The following UNC45A variants were observed in gnomAD, a reference collection of about 807,000 sequenced individuals.
UNC45A encodes unc-45 myosin chaperone A, also known as protein unc-45 homolog A.
In UNC45A, 78 loss-of-function variants were observed where a neutral mutation model predicts 103.2. The observed-to-expected ratio is 0.76, with a 90% confidence interval of 0.63 to 0.91. The LOEUF (loss-of-function observed/expected upper bound fraction) is 0.91. Among genes scored for constraint, UNC45A ranks in the 40% least tolerant of loss-of-function variants. The pLI is 0.00. For missense variants in UNC45A, 1,193 were observed against 1,224.8 expected, an observed-to-expected ratio of 0.97 and a Z score of 0.39; for synonymous variants, 495 against 504.6, an observed-to-expected ratio of 0.98 and a Z score of 0.25.
chr15:90,940,040 G>C (rs1029539827), intron 5 of UNC45A, among the ~76,000 whole-genome samples: 2 of 152,240 alleles, frequency 1.3e-5, no homozygotes, highest in Non-Finnish European at 2.9e-5. Context: ...CCTGTGCCAG[G>C]AACTGGGTGT....
At chr15:90,950,114 C>T in intron 15 of UNC45A, 40 bp from the exon 16 acceptor site, 1 of 1,542,200 alleles carries the variant, frequency 6.5e-7, no homozygotes. Flanking sequence ...GGGTCTTACT[C>T]CCAGGGATGT....
chr15:90,935,722 C>G lies in UNC45A; in HGVS notation c.213+17C>G. ...CTCAAGCTGGTGAGGGAGCCTGGCG[C>G]TCTTCCCCTCGCCCGCCCGGGCCCC... is the stretch of plus-strand genomic sequence containing the variant. On this transcript the variant is annotated intron_variant, in intron 2 of 19. Transcript: ENST00000418476. The G allele has an allele frequency of 6.5e-7, 1 of 1,542,102 alleles. No individual in the cohort carries two copies. Among genetic ancestry groups the G allele is most frequent in the East Asian group, 2.3e-5 (1 of 44,180 alleles).
Position 90,947,811 on chromosome 15 carries a change from G to T in UNC45A, c.1516G>T (p.Gly506Cys), listed in dbSNP as rs771480898. ...CTTCCTCCAGGGACTCTGTAAGCTCGGTTCGGCTGGAGGGACTGACTTCAG... is the reference window on the plus strand; with the variant it reads ...CTTCCTCCAGGGACTCTGTAAGCTCTGTTCGGCTGGAGGGACTGACTTCAG... ...IRALVGLCKL[G>C]SAGGTDFSMK... The change falls in exon 11 of 20, where the codon GGT becomes TGT. Residue 506 changes from glycine to cysteine, a missense_variant. Transcript: ENST00000418476. 6 of 1,614,096 alleles carry T rather than the reference G, an allele frequency of 3.7e-6. No individual in the cohort carries two copies. In the East Asian group the frequency reaches 1.1e-4, roughly 30 times the overall value.
chr15:90,931,790 G>A, upstream of UNC45A: 2 of 1,614,106 alleles, frequency 1.2e-6, no homozygotes, highest in Non-Finnish European at 1.7e-6. Flanking sequence ...ACTGTGGGGC[G>A]CTTGCTCCAC....
chr15:90,945,907 T>C (rs2036540999), intron 9 of UNC45A, among the ~76,000 whole-genome samples: 2 of 53,038 alleles, frequency 3.8e-5, no homozygotes, highest in Non-Finnish European at 7.0e-5. Context: ...CCTAAAGTGC[T>C]GGGATTACAG....
chr15:90,935,952 T>C lies in UNC45A; in HGVS notation c.220T>C (p.Tyr74His). 1 of 1,613,992 alleles carries C rather than the reference T, an allele frequency of 6.2e-7. No individual in the cohort carries two copies. Among genetic ancestry groups the C allele is most frequent in the Non-Finnish European group, 8.5e-7 (1 of 1,180,002 alleles). Residue 74 changes from tyrosine (Y) to histidine (H), a missense_variant, in exon 3 of 20, where the codon TAC becomes CAC. Coordinates refer to ENST00000418476, the MANE Select transcript of UNC45A (RefSeq NM_018671.5). ...TCCTGTCTTTCTCTTACAGGAAGAT[T>C]ACGACAAAGCAGAAACAGAGGCATC... Reference protein sequence around the residue: ...RAACHLKLEDYDKAETEASKA... With the variant: ...RAACHLKLEDHDKAETEASKA...
intron 12 of UNC45A, 83 bp downstream of exon 12, chr15:90,948,366 A>C: frequency 6.4e-7 from 1 of 1,574,322 alleles, no homozygotes; most frequent in South Asian, 1.2e-5. Flanking sequence ...GGCTTGGCCA[A>C]TGGGGTCTTT....
intron 4 of UNC45A, among the ~76,000 whole-genome samples, chr15:90,938,776 A>T (rs991431017): frequency 6.6e-6 from 1 of 152,072 alleles, no homozygotes; most frequent in African/African-American, 2.4e-5. Context: ...GATTCAAGCG[A>T]TTCTCCTGCT....
chr15:90,933,139 T>C (rs532533266), upstream of UNC45A: 57 of 148,650 alleles, frequency 3.8e-4, no homozygotes, highest in African/African-American at 1.4e-3. Flanking sequence ...GCCTAATTGC[T>C]TCAGACTTAG....
chr15:90,945,021 C>T lies in UNC45A; in HGVS notation c.1157C>T (p.Ala386Val), dbSNP rs766201939. Residue 386 changes from alanine (A) to valine (V), a missense_variant, in exon 9 of 20, where the codon GCG becomes GTG. Ala to Val is a moderately conservative substitution (Grantham distance 64). Transcript: ENST00000418476. ...SKLFDDLKCD[A>V]ERENFHRLCE... is the part of the protein sequence containing the mutation. Reference sequence around the variant, plus strand: ...CTCTTTGATGACCTCAAGTGTGATGCGGAGAGGGAGAATTTCCACAGACTT... The same window carrying T: ...CTCTTTGATGACCTCAAGTGTGATGTGGAGAGGGAGAATTTCCACAGACTT... 36 of 1,612,876 alleles carry T rather than the reference C, an allele frequency of 2.2e-5. No individual in the cohort carries two copies. The highest frequency in any genetic ancestry group is 1.3e-4 in the East Asian group (6 of 44,894).
At position 90,949,409 on chromosome 15, in the gene UNC45A, G is replaced by A; in HGVS notation, c.1972G>A (p.Val658Met). The change falls in exon 14 of 20, where the codon GTG (valine) becomes ATG (methionine). Residue 658 changes from valine to methionine, a missense_variant. Coordinates refer to ENST00000418476, the MANE Select transcript of UNC45A (RefSeq NM_018671.5). ...MVCMVKTESPVLTSSCRELLS... is the reference protein window; with the variant it reads ...MVCMVKTESPMLTSSCRELLS... ...GTGCATGGTGAAGACGGAGAGCCCT[G>A]TGCTGACCAGTTCCTGCAGAGAGCT... is the stretch of plus-strand genomic sequence containing the variant. 1 of 1,613,812 alleles carries A rather than the reference G, an allele frequency of 6.2e-7. No homozygotes were observed. Among genetic ancestry groups the A allele is most frequent in the Non-Finnish European group, 8.5e-7 (1 of 1,180,024 alleles).
intron 10 of UNC45A, 28 bp downstream of exon 10, chr15:90,946,942 G>GGTGAGGGGGGGGGGGGGGGGGGGGGGGC: frequency 1.2e-6 from 1 of 817,446 alleles, no homozygotes; most frequent in Non-Finnish European, 2.0e-6. Flanking sequence ...GGGTGGGTGG[G>GGTGAGGGGGGGGGGGGGGGGGGGGGGGC]CAGGCAGCCA....
chr15:90,953,387 G>A (rs930462669), intron 19 of UNC45A, 72 bp from the exon 20 acceptor site: 6 of 1,597,944 alleles, frequency 3.8e-6, no homozygotes, highest in Non-Finnish European at 5.1e-6. Flanking sequence ...CAGTCCTAGG[G>A]TGTGTGGGTG....
intron 7 of UNC45A, 141 bp downstream of exon 7, chr15:90,942,746 T>C (rs1365849395): frequency 3.3e-6 from 5 of 1,501,022 alleles, no homozygotes; most frequent in Admixed American, 1.9e-5. Flanking sequence ...TATTTTACTC[T>C]AGATTCTCAG....
In UNC45A at chr15:90,935,389, C is replaced by T. The variant is rs2035953159; in HGVS notation, c.51+14C>T. Reference sequence around the variant, plus strand: ...GCCACCCCCGGGGTGCGTACCCAACCCCCGCGCCATCACCCCTTCGCACCC... The same window carrying T: ...GCCACCCCCGGGGTGCGTACCCAACTCCCGCGCCATCACCCCTTCGCACCC... On this transcript the variant is annotated intron_variant, in intron 1 of 19. Coordinates refer to ENST00000418476, the MANE Select transcript of UNC45A (RefSeq NM_018671.5). The T allele has an allele frequency of 6.3e-7, 1 of 1,589,044 alleles. No individual in the cohort carries two copies. The highest frequency in any genetic ancestry group is 1.7e-5 in the Admixed American group (1 of 57,178).
At chr15:90,948,583 GCCTGGGCAGCATTTATCTGAGTA>G (rs2036705188) in intron 12 of UNC45A, 48 bp from the exon 13 acceptor site, 1 of 1,575,152 alleles carries the variant, frequency 6.3e-7, no homozygotes, top group East Asian at 2.3e-5. Flanking sequence ...GGGGGCCTGG[GCCTGGGCAGCATTTATCTGAGTA>G]CTGCTCTGCC....
chr15:90,953,942 T>A lies in UNC45A; in HGVS notation c.*226T>A. ...GCCTCACTCAGAGGGGCCCTTTTTCTGTACTACTGTAGTCAGCTGGGAATG... is the reference window on the plus strand; with the variant it reads ...GCCTCACTCAGAGGGGCCCTTTTTCAGTACTACTGTAGTCAGCTGGGAATG... On this transcript the variant is annotated 3_prime_UTR_variant, in exon 20 of 20. Transcript: ENST00000418476. 1.6e-6 allele frequency: 1 copy of A among 608,110 alleles called. No homozygotes were observed. Among genetic ancestry groups the A allele is most frequent in the South Asian group, 2.0e-5 (1 of 50,582 alleles). The allele number at this position is 608,110 out of a possible 1,614,324, so 37.7% of individuals were successfully genotyped here. A position where few individuals can be genotyped will look rare whatever the true frequency, so the allele number is the denominator to read the frequency against.
chr15:90,953,525 G>C lies in UNC45A; in HGVS notation c.2644G>C (p.Gly882Arg), dbSNP rs1171492743. Reference sequence around the variant, plus strand: ...CTCCAACCAGGAGCTGCAGCACCGGGGTGCTGTGGTGGTGCTGAACATGGT... The same window carrying C: ...CTCCAACCAGGAGCTGCAGCACCGGCGTGCTGTGGTGGTGCTGAACATGGT... ...LSSNQELQHR[G>R]AVVVLNMVEA... The change falls in exon 20 of 20, where the codon GGT becomes CGT. Residue 882 changes from glycine to arginine, a missense_variant. Physicochemically the swap from Gly to Arg is moderately radical, Grantham distance 125. Transcript: ENST00000418476. 2 of 1,614,002 alleles carry C rather than the reference G, an allele frequency of 1.2e-6. No individual in the cohort carries two copies. Among genetic ancestry groups the C allele is most frequent in the African/African-American group, 2.7e-5 (2 of 74,924 alleles).
upstream of UNC45A, chr15:90,932,414 G>C: frequency 3.8e-6 from 5 of 1,326,420 alleles, no homozygotes; most frequent in South Asian, 5.8e-5. Flanking sequence ...GGCGCTCCGC[G>C]GCCGACGCGC....
Sources: allele counts gnomAD v4.1 joint callset (sites outside exome capture counted in the v4.1 genomes callset), GRCh38; gene constraint gnomAD v4.1.1; transcripts MANE v1.5; gene names NCBI Gene and HGNC (gene_info 2026-07-23, HGNC 2026-07-21).